The following DSCAM variants were observed in gnomAD, a reference collection of about 807,000 sequenced individuals.
DSCAM encodes the protein cell adhesion molecule DSCAM.
Under a neutral mutation model 217.7 loss-of-function variants are expected in DSCAM, and 47 were observed. That is an observed-to-expected ratio of 0.22 (90% CI 0.17 to 0.28). The LOEUF (loss-of-function observed/expected upper bound fraction) is 0.28, where lower values mean the gene tolerates loss of function less well. Among genes scored for constraint, DSCAM ranks in the 10% least tolerant of loss-of-function variants. The pLI is 1.00. For missense variants in DSCAM, 2,080 were observed against 2,618.3 expected (o/e 0.79, Z 4.49); for synonymous variants, 1,056 against 1,015.3 (o/e 1.04, Z -0.76).
chr21:40,771,196 G>T (rs1459821108), intron 1 of DSCAM, among the ~76,000 whole-genome samples: 1 of 152,186 alleles, frequency 6.6e-6, no homozygotes, highest in East Asian at 1.9e-4. Context: ...AGCCACTTAA[G>T]GGCACGAGCT....
chr21:40,168,015 T>G (rs1380195039), intron 15 of DSCAM, among the ~76,000 whole-genome samples: 1 of 152,090 alleles, frequency 6.6e-6, no homozygotes, highest in African/African-American at 2.4e-5. Context: ...AAGCCGAGAT[T>G]GCGCCACTGC....
intron 3 of DSCAM, among the ~76,000 whole-genome samples, chr21:40,558,029 T>G (rs2076686179): frequency 7.2e-6 from 1 of 138,130 alleles, no homozygotes; most frequent in African/African-American, 2.5e-5. Flanking sequence ...TCAAAAGACC[T>G]TGTATATTTG....
At chr21:40,750,311 T>C (rs1323582445) in intron 1 of DSCAM, among the ~76,000 whole-genome samples, 1 of 152,190 alleles carries the variant, frequency 6.6e-6, no homozygotes, top group Non-Finnish European at 1.5e-5. Flanking sequence ...GAACATGCTC[T>C]TGCAGTCACC....
intron 3 of DSCAM, among the ~76,000 whole-genome samples, chr21:40,612,078 T>G (rs1411625710): frequency 2.0e-5 from 3 of 152,106 alleles, no homozygotes; most frequent in African/African-American, 7.2e-5. Context: ...TACAGGCTGT[T>G]TGGGGTGAGT....
At chr21:40,332,351 A>C (rs934644296) in intron 8 of DSCAM, among the ~76,000 whole-genome samples, 3 of 152,150 alleles carry the variant, frequency 2.0e-5, no homozygotes, top group African/African-American at 7.2e-5. Context: ...TCTTGAATGT[A>C]TTACTGGGTG....
intron 1 of DSCAM, among the ~76,000 whole-genome samples, chr21:40,795,730 G>A (rs976616158): frequency 1.3e-5 from 2 of 152,158 alleles, no homozygotes; most frequent in East Asian, 1.9e-4. Flanking sequence ...CAAAAACTCA[G>A]AAAATATGAT....
chr21:40,761,892 A>G (rs547884581), intron 1 of DSCAM, among the ~76,000 whole-genome samples: 1 of 152,296 alleles, frequency 6.6e-6, no homozygotes, highest in East Asian at 1.9e-4. Flanking sequence ...GGCAGAAATA[A>G]CCAAGTTCTT....
At chr21:40,214,400 A>G (rs1261541447) in intron 11 of DSCAM, among the ~76,000 whole-genome samples, 1 of 152,182 alleles carries the variant, frequency 6.6e-6, no homozygotes, top group Non-Finnish European at 1.5e-5. Context: ...CTGTGCTGAT[A>G]ATATTTACAT....
rs138104505 is a variant in DSCAM at position 40,119,475 on chromosome 21, C to T, written c.3696+4720G>A. ...TGGTAAGCTGGAAATATAGGACTGA[C>T]GGTTCTCTAAGATTGTCAGGATAGA... On this transcript the variant is annotated intron_variant, in intron 20 of 32. Transcript: ENST00000400454. 5.4e-3 allele frequency among the ~76,000 whole-genome samples: 825 copies of T among 152,150 alleles called. 9 individuals carry two copies. Among genetic ancestry groups the T allele is most frequent in the African/African-American group, 0.019 (801 of 41,502 alleles).
intron 11 of DSCAM, among the ~76,000 whole-genome samples, chr21:40,270,299 C>T (rs1419642742): frequency 2.0e-5 from 3 of 152,158 alleles, no homozygotes; most frequent in African/African-American, 7.2e-5. Flanking sequence ...GGCACAGCTG[C>T]AGTCCCTCTG....
At chr21:40,170,627 T>G (rs2090646563) in intron 15 of DSCAM, among the ~76,000 whole-genome samples, 1 of 152,178 alleles carries the variant, frequency 6.6e-6, no homozygotes, top group Admixed American at 6.5e-5. Context: ...GGCAGGAAAC[T>G]TTGGACCTCA....
intron 19 of DSCAM, among the ~76,000 whole-genome samples, chr21:40,126,261 G>T (rs1033890036): frequency 6.7e-6 from 1 of 149,954 alleles, no homozygotes; most frequent in African/African-American, 2.5e-5. Context: ...AAGGAAAGAG[G>T]GAAGAAAAAA....
intron 1 of DSCAM, among the ~76,000 whole-genome samples, chr21:40,737,599 C>T (rs1018700510): frequency 2.6e-5 from 4 of 152,194 alleles, no homozygotes; most frequent in African/African-American, 9.7e-5. Flanking sequence ...CGAGATTGCA[C>T]CACTTAACTC....
chr21:40,084,134 A>G (rs895884701), intron 23 of DSCAM, 128 bp from the exon 24 acceptor site: 1 of 650,834 alleles, frequency 1.5e-6, no homozygotes, highest in South Asian at 2.0e-5. Flanking sequence ...GCCAAAATAT[A>G]CAATTCACTT....
At chr21:40,219,449 C>T (rs1183138076) in intron 11 of DSCAM, among the ~76,000 whole-genome samples, 1 of 152,180 alleles carries the variant, frequency 6.6e-6, no homozygotes, top group Non-Finnish European at 1.5e-5. Context: ...TTGAATTAGG[C>T]TGATGCACCA....
At chr21:40,090,754 C>T (rs373514050) in intron 21 of DSCAM, among the ~76,000 whole-genome samples, 1 of 152,286 alleles carries the variant, frequency 6.6e-6, no homozygotes. Flanking sequence ...GACGCTGACC[C>T]GCCTGAATTT....
At chr21:40,096,560 T>C (rs1269094837) in intron 20 of DSCAM, among the ~76,000 whole-genome samples, 1 of 152,010 alleles carries the variant, frequency 6.6e-6, no homozygotes, top group African/African-American at 2.4e-5. Flanking sequence ...CTGCCTAACA[T>C]GCACATAGTG....
intron 8 of DSCAM, among the ~76,000 whole-genome samples, chr21:40,328,849 G>A (rs748775560): frequency 6.6e-6 from 1 of 152,100 alleles, no homozygotes; most frequent in East Asian, 1.9e-4. Context: ...TAAAAAATGG[G>A]CAATGAACCT....
At chr21:40,200,844 T>C (rs1334365502) in intron 11 of DSCAM, among the ~76,000 whole-genome samples, 2 of 152,188 alleles carry the variant, frequency 1.3e-5, no homozygotes, top group African/African-American at 4.8e-5. Flanking sequence ...GTTGGAAGAA[T>C]GGCCCCACAG....
Sources: allele counts gnomAD v4.1 joint callset (sites outside exome capture counted in the v4.1 genomes callset), GRCh38; gene constraint gnomAD v4.1.1; transcripts MANE v1.5; gene names NCBI Gene and HGNC (gene_info 2026-07-23, HGNC 2026-07-21).